Variants in HDAC7 observed in about 807,000 individuals in gnomAD.
HDAC7 encodes the protein histone deacetylase 7A.
A neutral mutation model predicts 115.5 loss-of-function variants in HDAC7; 26 were observed. The ratio of observed to expected loss-of-function variants is 0.23; its 90% confidence interval spans 0.16 to 0.31. The LOEUF is 0.31. Ranked by LOEUF, HDAC7 falls within the 10% of genes least tolerant of loss-of-function variation. HDAC7 has a pLI of 1.00. For missense variants in HDAC7, 1,068 were observed against 1,329.0 expected, an observed-to-expected ratio of 0.80 and a Z score of 3.05; for synonymous variants, 564 against 550.9, an observed-to-expected ratio of 1.02 and a Z score of -0.33.
At chr12:47,808,606 G>C (rs560890891) in intron 1 of HDAC7, among the ~76,000 whole-genome samples, 17 of 152,194 alleles carry the variant, frequency 1.1e-4, no homozygotes, top group South Asian at 6.2e-4. Flanking sequence ...GAAAAACAGG[G>C]GTCCTCCCAG....
chr12:47,798,279 A>C lies in HDAC7; in HGVS notation c.350-60T>G, dbSNP rs34922454. The C allele has an allele frequency of 0.29, 374,004 of 1,296,736 alleles. 57,825 individuals carry two copies. Among genetic ancestry groups the C allele is most frequent in the African/African-American group, 0.44 (30,021 of 68,786 alleles). The allele number at this position is 1,296,736 out of a possible 1,614,324, so 80.3% of individuals were successfully genotyped here. On this transcript the variant is annotated intron_variant, in intron 4 of 25. Coordinates refer to ENST00000080059, the MANE Select transcript of HDAC7 (RefSeq NM_015401.5). The surrounding 1 kb of genome is among the most constrained non-coding windows in gnomAD (Gnocchi z 4.3). ...GGTGGACAGGCGGCCTCGTGGCACT[A>C]CCTGGCCACTGCCCTGTCCCCATCC...
intron 22 of HDAC7, among the ~76,000 whole-genome samples, 199 bp downstream of exon 22, chr12:47,786,386 G>T (rs867660911): frequency 3.9e-5 from 6 of 152,374 alleles, no homozygotes; most frequent in Middle Eastern, 3.4e-3. Context: ...AACCGGCCTG[G>T]TCCTGAGAAA....
rs35753431 is a variant in HDAC7 at position 47,797,895 on chromosome 12, T to TGTGTGTGTGTGTGTGTGA, written c.461+212_461+213insTCACACACACACACACAC. On this transcript the variant is annotated intron_variant, in intron 5 of 25. Transcript: ENST00000080059. The surrounding 1 kb of genome is among the most constrained non-coding windows in gnomAD (Gnocchi z 5.5). ...GTGTGTGTGTGTGTGTGTGTGTGTG[T>TGTGTGTGTGTGTGTGTGA]GAGAAGGGCTCAGGTGGGGTGGGGA... 1.7e-3 allele frequency among the ~76,000 whole-genome samples: 244 copies of TGTGTGTGTGTGTGTGTGA among 143,424 alleles called. No homozygotes were observed. Among genetic ancestry groups the TGTGTGTGTGTGTGTGTGA allele is most frequent in the African/African-American group, 4.4e-3 (162 of 36,494 alleles). 94.1% of individuals were successfully genotyped at this position (143,424 alleles called of 152,430 possible). A position where few individuals can be genotyped will look rare whatever the true frequency, so the allele number is the denominator to read the frequency against.
Position 47,797,036 on chromosome 12 carries a change from C to G in HDAC7, c.684G>C (p.Arg228=). 3 of 1,575,690 alleles carry G rather than the reference C, an allele frequency of 1.9e-6. No individual in the cohort carries two copies. The highest frequency in any genetic ancestry group is 1.4e-5 in the African/African-American group (1 of 73,350). The part of the protein sequence containing the change: ...KESAPPSLRR[R]PAETLGDSSP... ...CCTCACCTCCGAGGGTCTCTGCGGG[C>G]CGCCGCCGGAGGCTGGGGGGCGCAC... Residue 228 remains arginine (R), a synonymous_variant, in exon 7 of 26, where the codon CGG becomes CGC. Coordinates refer to ENST00000080059, the MANE Select transcript of HDAC7 (RefSeq NM_015401.5). The surrounding 1 kb of genome is among the most constrained non-coding windows in gnomAD (Gnocchi z 5.5).
rs756075583 is a variant in HDAC7 at position 47,788,108 on chromosome 12, G to A, written c.2292C>T (p.Leu764=). The change falls in exon 20 of 26, where the codon CTC becomes CTT. Residue 764 remains leucine, a synonymous_variant. Transcript: ENST00000080059. ...CGTCATGGCGATGCAGGGAGATGTA[G>A]AGCACACTGGGGTCTTGGTAGAAGG... The part of the protein sequence containing the change: ...QQTFYQDPSV[L]YISLHRHDDG... The A allele has an allele frequency of 3.1e-6, 5 of 1,613,682 alleles. No individual in the cohort carries two copies. Among genetic ancestry groups the A allele is most frequent in the Non-Finnish European group, 4.2e-6 (5 of 1,179,824 alleles).
rs1451846961 is a variant in HDAC7 at position 47,798,460 on chromosome 12, A to G, written c.349+102T>C. Reference sequence around the variant, plus strand: ...AGAGGGAAAGCCTCGGCTCAGGCCCAGCTGGCTGCGGCCCTCCCACCTCAC... The same window carrying G: ...AGAGGGAAAGCCTCGGCTCAGGCCCGGCTGGCTGCGGCCCTCCCACCTCAC... On this transcript the variant is annotated intron_variant, in intron 4 of 25. Coordinates refer to ENST00000080059, the MANE Select transcript of HDAC7 (RefSeq NM_015401.5). This position sits in a 1 kb window ranked among gnomAD's most constrained non-coding sequence, Gnocchi z 4.3. 15 of 1,051,394 alleles carry G rather than the reference A, an allele frequency of 1.4e-5. No individual in the cohort carries two copies. The highest frequency in any genetic ancestry group is 2.2e-5 in the Non-Finnish European group (15 of 695,922). The allele number at this position is 1,051,394 out of a possible 1,614,324, so 65.1% of individuals were successfully genotyped here. A position where few individuals can be genotyped will look rare whatever the true frequency, so the allele number is the denominator to read the frequency against.
upstream of HDAC7, among the ~76,000 whole-genome samples, chr12:47,820,926 A>T (rs1945002367): frequency 6.6e-6 from 1 of 152,088 alleles, no homozygotes. This position sits in a 1 kb window ranked among gnomAD's most constrained non-coding sequence, Gnocchi z 4.3. Flanking sequence ...TTTTAGCTGG[A>T]GAGAAGGTCA....
At chr12:47,799,466 C>T (rs141872548) in intron 2 of HDAC7, among the ~76,000 whole-genome samples, 205 of 152,340 alleles carry the variant, frequency 1.3e-3, no homozygotes, top group African/African-American at 4.8e-3. Context: ...AGCCCCAAGC[C>T]TCACAGGCCC....
chr12:47,804,528 A>G (rs1432278211), intron 1 of HDAC7, among the ~76,000 whole-genome samples: 1 of 151,586 alleles, frequency 6.6e-6, no homozygotes, highest in Non-Finnish European at 1.5e-5. Flanking sequence ...CAGCCTGAAA[A>G]AAAAAAAAAA....
Position 47,793,331 on chromosome 12 carries a change from G to GCCCCACC in HDAC7, c.1678+37_1678+38insGGTGGGG. 7.7e-7 allele frequency: 1 copy of GCCCCACC among 1,305,504 alleles called. No individual in the cohort carries two copies. The highest frequency in any genetic ancestry group is 1.4e-5 in the South Asian group (1 of 70,872). 80.9% of individuals were successfully genotyped at this position (1,305,504 alleles called of 1,614,324 possible). On this transcript the variant is annotated intron_variant, in intron 13 of 25. Transcript: ENST00000080059. The surrounding 1 kb of genome is among the most constrained non-coding windows in gnomAD (Gnocchi z 4.5). The stretch of plus-strand genomic sequence containing the variant: ...CACCCACATGGACTCGTGCAGCCGA[G>GCCCCACC]CCCCTCCCTCCACCCGCCACCCTCC...
At chr12:47,815,893 ATT>A (rs34394540) in intron 1 of HDAC7, among the ~76,000 whole-genome samples, 17 of 118,254 alleles carry the variant, frequency 1.4e-4, no homozygotes, top group Admixed American at 2.7e-4. Context: ...TCCAGCCAGG[ATT>A]TTTTTTTTTT....
chr12:47,784,605 C>T, intron 24 of HDAC7: 1 of 1,012,900 alleles, frequency 9.9e-7, no homozygotes, highest in Non-Finnish European at 1.4e-6. Context: ...TCGGGCCTCC[C>T]ACTTAAACAC....
At chr12:47,817,098 CAG>C (rs779112935) in intron 1 of HDAC7, among the ~76,000 whole-genome samples, 18 of 152,326 alleles carry the variant, frequency 1.2e-4, no homozygotes, top group Middle Eastern at 3.4e-3. Flanking sequence ...ACCACAGAAA[CAG>C]GGGGAAAATA....
In HDAC7 at chr12:47,797,882, G is replaced by GTGTGTC. The variant is rs1218100907; in HGVS notation, c.461+225_461+226insGACACA. 6.6e-6 allele frequency among the ~76,000 whole-genome samples: 1 copy of GTGTGTC among 150,448 alleles called. No homozygotes were observed. The highest frequency in any genetic ancestry group is 1.5e-5 in the Non-Finnish European group (1 of 67,734). Reference sequence around the variant, plus strand: ...TGTGTGTGTGTGTGTGTGTGTGTGTGTGTGTGTGTGTGTGAGAAGGGCTCA... The same window carrying GTGTGTC: ...TGTGTGTGTGTGTGTGTGTGTGTGTGTGTGTCTGTGTGTGTGTGTGAGAAGGGCTCA... On this transcript the variant is annotated intron_variant, in intron 5 of 25. Coordinates refer to ENST00000080059, the MANE Select transcript of HDAC7 (RefSeq NM_015401.5). This position sits in a 1 kb window ranked among gnomAD's most constrained non-coding sequence, Gnocchi z 5.5.
rs1178530972 is a variant in HDAC7 at position 47,797,909 on chromosome 12, G to T, written c.461+199C>A. On this transcript the variant is annotated intron_variant, in intron 5 of 25. Coordinates refer to ENST00000080059, the MANE Select transcript of HDAC7 (RefSeq NM_015401.5). This position sits in a 1 kb window ranked among gnomAD's most constrained non-coding sequence, Gnocchi z 5.5. ...GTGTGTGTGTGTGAGAAGGGCTCAG[G>T]TGGGGTGGGGAGAATTTAAAGAGAG... 8.7e-6 allele frequency among the ~76,000 whole-genome samples: 1 copy of T among 114,958 alleles called. No individual in the cohort carries two copies. Among genetic ancestry groups the T allele is most frequent in the African/African-American group, 3.3e-5 (1 of 29,900 alleles). The allele number at this position is 114,958 out of a possible 152,430, so 75.4% of individuals were successfully genotyped here. A position where few individuals can be genotyped will look rare whatever the true frequency, so the allele number is the denominator to read the frequency against.
At chr12:47,787,993 T>C in intron 20 of HDAC7, 52 bp downstream of exon 20, 2 of 1,594,042 alleles carry the variant, frequency 1.3e-6, no homozygotes, top group South Asian at 2.3e-5. Flanking sequence ...GCAGAGTAAG[T>C]GTCAGGAGGA....
intron 19 of HDAC7, 91 bp from the exon 20 acceptor site, chr12:47,788,255 G>A: frequency 4.1e-6 from 6 of 1,465,098 alleles, no homozygotes; most frequent in Non-Finnish European, 4.6e-6. Flanking sequence ...GCCATTCTGA[G>A]GTCAGGACCC....
In HDAC7 at chr12:47,791,596, C is replaced by G. The variant is rs1373656002; in HGVS notation, c.1923G>C (p.Gly641=). 1 of 1,608,476 alleles carries G rather than the reference C, an allele frequency of 6.2e-7. No individual in the cohort carries two copies. The highest frequency in any genetic ancestry group is 8.5e-7 in the Non-Finnish European group (1 of 1,177,486). The change falls in exon 15 of 26, where the codon GGG becomes GGC. Residue 641 remains glycine (G), a synonymous_variant. Transcript: ENST00000080059. ...CCACTAGGCCATTACCTGCCAGCTTCCCGTTGTCCAGTTTGAGGCGGCTGA... is the reference window on the plus strand; with the variant it reads ...CCACTAGGCCATTACCTGCCAGCTTGCCGTTGTCCAGTTTGAGGCGGCTGA... ...NPLSRLKLDN[G]KLAGLLAQRM...
Position 47,795,874 on chromosome 12 carries a change from T to A in HDAC7, c.906+32A>T. 7.1e-7 allele frequency: 1 copy of A among 1,399,912 alleles called. No homozygotes were observed. The highest frequency in any genetic ancestry group is 9.8e-7 in the Non-Finnish European group (1 of 1,025,018). The allele number at this position is 1,399,912 out of a possible 1,614,324, so 86.7% of individuals were successfully genotyped here. A position where few individuals can be genotyped will look rare whatever the true frequency, so the allele number is the denominator to read the frequency against. On this transcript the variant is annotated intron_variant, in intron 9 of 25. Transcript: ENST00000080059. This position sits in a 1 kb window ranked among gnomAD's most constrained non-coding sequence, Gnocchi z 4.3. Reference sequence around the variant, plus strand: ...AGGGAGTGAAAGAAGCTGGGGGGGCTTGGAGTGGGGGTGGGCACCCCAGCC... The same window carrying A: ...AGGGAGTGAAAGAAGCTGGGGGGGCATGGAGTGGGGGTGGGCACCCCAGCC...
Sources: gnomAD v4.1 joint callset for allele counts (sites outside exome capture counted in the v4.1 genomes callset) on GRCh38, gnomAD v4.1.1 for gene constraint, Gnocchi (gnomAD v3.1) non-coding constraint, MANE v1.5 for transcripts, NCBI Gene and HGNC (gene_info 2026-07-23, HGNC 2026-07-21) for gene names.